CCDC18: variants seen among roughly 807,000 people sequenced by gnomAD.
CCDC18 encodes the protein coiled-coil domain containing 18.
A neutral mutation model predicts 196.0 loss-of-function variants in CCDC18; 157 were observed. That is an observed-to-expected ratio of 0.80 (90% CI 0.70 to 0.91). The LOEUF is 0.91. Among genes scored for constraint, CCDC18 ranks in the 40% least tolerant of loss-of-function variants. CCDC18 has a pLI of 0.00. For synonymous variants in CCDC18, 482 were observed against 529.2 expected (o/e 0.91, Z 1.22); for missense variants, 1,465 against 1,611.6 (o/e 0.91, Z 1.56).
intron 18 of CCDC18, 45 bp downstream of exon 18, chr1:93,232,638 A>C (rs758711299): frequency 1.4e-6 from 2 of 1,392,388 alleles, no homozygotes; most frequent in East Asian, 2.4e-5. Context: ...ATGAAATAGA[A>C]ATTTTTAAAA....
intron 6 of CCDC18, among the ~76,000 whole-genome samples, chr1:93,195,684 T>TAA (rs1480448508): frequency 6.6e-6 from 1 of 152,178 alleles, no homozygotes; most frequent in African/African-American, 2.4e-5. Flanking sequence ...CATGTCAGAA[T>TAA]AAAGTGTTCC....
At position 93,278,557 on chromosome 1, in the gene CCDC18, C is replaced by A; in HGVS notation, c.*80C>A. Reference sequence around the variant, plus strand: ...TACTTATTATATGTAGCTCATACTTCATAGAAGCTGTTATTTTGCTTTTGA... The same window carrying A: ...TACTTATTATATGTAGCTCATACTTAATAGAAGCTGTTATTTTGCTTTTGA... On this transcript the variant is annotated 3_prime_UTR_variant, in exon 29 of 29. Transcript: ENST00000690025. 2 of 645,468 alleles carry A rather than the reference C, an allele frequency of 3.1e-6. No homozygotes were observed. The highest frequency in any genetic ancestry group is 4.5e-5 in the South Asian group (1 of 22,422). 40.0% of individuals were successfully genotyped at this position (645,468 alleles called of 1,614,324 possible).
chr1:93,186,365 T>C lies in CCDC18; in HGVS notation c.324T>C (p.Pro108=), dbSNP rs74596359. The C allele has an allele frequency of 2.8e-3, 4,486 of 1,610,980 alleles. 116 individuals carry two copies. The African/African-American group carries it at 0.053, about 19-fold the overall frequency. Residue 108 remains proline, a synonymous_variant, in exon 4 of 29, where the codon CCT becomes CCC. Transcript: ENST00000690025. The stretch of plus-strand genomic sequence containing the variant: ...TTCAGATGTTTTCATCTTCTGCCCC[T>C]GTGGATCAGGAGATTAAAAGCCTTC... ...PRDKMFSSSA[P]VDQEIKSLRE...
chr1:93,208,633 T>C (rs1283257533), intron 9 of CCDC18, among the ~76,000 whole-genome samples: 1 of 150,266 alleles, frequency 6.7e-6, no homozygotes, highest in African/African-American at 2.5e-5. Context: ...GATGAGCAAC[T>C]TTTCATGTAC....
chr1:93,192,809 T>C (rs894829759), intron 5 of CCDC18, among the ~76,000 whole-genome samples: 20 of 152,174 alleles, frequency 1.3e-4, no homozygotes, highest in Admixed American at 1.3e-4. Flanking sequence ...AAATAACATA[T>C]TACTCTGAGT....
intron 10 of CCDC18, among the ~76,000 whole-genome samples, 169 bp from the exon 11 acceptor site, chr1:93,211,931 CA>C (rs1337402357): frequency 6.6e-6 from 1 of 152,086 alleles, no homozygotes; most frequent in Non-Finnish European, 1.5e-5. Context: ...GTGGCTGAAC[CA>C]ATTTATAATT....
chr1:93,194,549 C>T (rs1428966179), intron 6 of CCDC18, among the ~76,000 whole-genome samples: 1 of 151,936 alleles, frequency 6.6e-6, no homozygotes, highest in Non-Finnish European at 1.5e-5. Flanking sequence ...CTTTTGAAAT[C>T]TCAGGTTTTT....
At position 93,249,401 on chromosome 1, in the gene CCDC18, A is replaced by AT. The variant is rs1661940092; in HGVS notation, c.3198+2449dup. On this transcript the variant is annotated intron_variant, in intron 23 of 28. Coordinates refer to ENST00000690025, the MANE Select transcript of CCDC18 (RefSeq NM_001378204.1). The stretch of plus-strand genomic sequence containing the variant: ...TTAATTTTGTTCATCTTTTCAAGAA[A>AT]TTAACTCTTTGTTTCATTTATCCTC... 1.4e-5 allele frequency among the ~76,000 whole-genome samples: 2 copies of AT among 147,466 alleles called. 1 individual carries two copies. Among genetic ancestry groups the AT allele is most frequent in the Non-Finnish European group, 2.9e-5 (2 of 68,014 alleles).
At chr1:93,186,204 G>A (rs1650645555) in intron 3 of CCDC18, 141 bp from the exon 4 acceptor site, 1 of 714,900 alleles carries the variant, frequency 1.4e-6, no homozygotes, top group Non-Finnish European at 2.4e-6. Flanking sequence ...ACATATCCTT[G>A]TCAATACTCA....
intron 13 of CCDC18, among the ~76,000 whole-genome samples, 189 bp downstream of exon 13, chr1:93,216,935 C>CTTTTTTT (rs397980840): frequency 6.0e-5 from 8 of 132,770 alleles, no homozygotes; most frequent in African/African-American, 8.8e-5. Flanking sequence ...CAAGTTTTCT[C>CTTTTTTT]TTTTTTTTTT....
chr1:93,205,593 A>G lies in CCDC18; in HGVS notation c.879A>G (p.Leu293=). The change falls in exon 8 of 29, where the codon CTA becomes CTG. Residue 293 remains leucine, a synonymous_variant. Transcript: ENST00000690025. ...AAAGGCTACAAGAAAGGTGTGGTCT[A>G]TATAAAAGTGAACTTGAAATTCTGA... ...ENKRLQERCG[L]YKSELEILKE... The G allele has an allele frequency of 6.3e-7, 1 of 1,596,666 alleles. No homozygotes were observed. Among genetic ancestry groups the G allele is most frequent in the Non-Finnish European group, 8.5e-7 (1 of 1,171,104 alleles).
chr1:93,193,721 T>C lies in CCDC18; in HGVS notation c.675T>C (p.Leu225=). The C allele has an allele frequency of 6.4e-7, 1 of 1,573,148 alleles. No individual in the cohort carries two copies. The highest frequency in any genetic ancestry group is 8.6e-7 in the Non-Finnish European group (1 of 1,165,278). ...EECIKLKVDL[L]EQTKQGKRAE... ...GTATAAAATTAAAGGTGGACTTACT[T>C]GAACAAACCAAACAAGGAAAAAGGT... The change falls in exon 6 of 29, where the codon CTT becomes CTC. Residue 225 remains leucine (L), a synonymous_variant. Transcript: ENST00000690025.
intron 14 of CCDC18, among the ~76,000 whole-genome samples, chr1:93,218,204 G>A (rs56657492): frequency 0.05 from 7,604 of 152,056 alleles, 605 homozygotes; most frequent in African/African-American, 0.17. Flanking sequence ...AAGTAGAAAA[G>A]AAAATTTGAG....
intron 26 of CCDC18, among the ~76,000 whole-genome samples, chr1:93,260,506 T>TATATGTTG (rs1663633686): frequency 6.6e-6 from 1 of 152,160 alleles, no homozygotes; most frequent in Non-Finnish European, 1.5e-5. Context: ...TTGATAAAAA[T>TATATGTTG]TTACTTTTAA....
chr1:93,276,882 A>C (rs1380276775), intron 28 of CCDC18, among the ~76,000 whole-genome samples: 1 of 149,456 alleles, frequency 6.7e-6, no homozygotes, highest in Non-Finnish European at 1.5e-5. Context: ...ATAGAGAAAG[A>C]AATAAGGGGA....
chr1:93,258,910 G>T, intron 26 of CCDC18, 25 bp downstream of exon 26: 1 of 1,575,426 alleles, frequency 6.3e-7, no homozygotes, highest in Non-Finnish European at 8.6e-7. Context: ...AATTTGTTTT[G>T]TTAGTGCCCA....
intron 19 of CCDC18, 73 bp from the exon 20 acceptor site, chr1:93,239,237 T>C (rs1570516396): frequency 5.3e-6 from 2 of 378,448 alleles, no homozygotes; most frequent in Admixed American, 1.9e-4. Context: ...ACTTGCAGGC[T>C]TTTTTTTTAG....
chr1:93,206,038 C>T (rs1182876506), intron 8 of CCDC18, among the ~76,000 whole-genome samples: 1 of 151,996 alleles, frequency 6.6e-6, no homozygotes, highest in Non-Finnish European at 1.5e-5. Context: ...CGAGAGTAGC[C>T]AGAATTTACT....
At chr1:93,243,713 T>C (rs919600188) in intron 21 of CCDC18, among the ~76,000 whole-genome samples, 19 of 152,188 alleles carry the variant, frequency 1.2e-4, no homozygotes, top group African/African-American at 4.1e-4. Flanking sequence ...TCCACAAATC[T>C]CTAGGGCAGG....
Sources: allele counts gnomAD v4.1 joint callset (sites outside exome capture counted in the v4.1 genomes callset), GRCh38; gene constraint gnomAD v4.1.1; transcripts MANE v1.5; gene names NCBI Gene and HGNC (gene_info 2026-07-23, HGNC 2026-07-21).